Variants in C22orf31 observed in about 807,000 individuals in gnomAD.
C22orf31 encodes chromosome 22 open reading frame 31.
Under a neutral mutation model 15.0 loss-of-function variants are expected in C22orf31, and 11 were observed. That is an observed-to-expected ratio of 0.73 (90% CI 0.46 to 1.21). The LOEUF (loss-of-function observed/expected upper bound fraction) is 1.21. Among genes scored for constraint, C22orf31 ranks in the 50% most tolerant of loss-of-function variants. The pLI, the probability that C22orf31 is intolerant of heterozygous loss-of-function variation, is 0.00. For missense variants in C22orf31, 340 were observed against 347.2 expected, an observed-to-expected ratio of 0.98 and a Z score of 0.17; for synonymous variants, 132 against 133.3, an observed-to-expected ratio of 0.99 and a Z score of 0.07.
Position 29,060,599 on chromosome 22 carries a change from C to T in C22orf31, c.248G>A (p.Arg83Gln), listed in dbSNP as rs144151788. The T allele has an allele frequency of 7.6e-5, 123 of 1,614,092 alleles. No individual in the cohort carries two copies. Among genetic ancestry groups the T allele is most frequent in the East Asian group, 2.7e-4 (12 of 44,890 alleles). The change falls in exon 2 of 3, where the codon CGG becomes CAG. Residue 83 changes from arginine to glutamine, a missense_variant. Transcript: ENST00000216071. Reference protein sequence around the residue: ...SFSLVKLVLRRQLKNKCCPPP... With the variant: ...SFSLVKLVLRQQLKNKCCPPP... Reference sequence around the variant, plus strand: ...TGGGCAGCACTTATTCTTCAGTTGCCGCCTGAGTACAAGCTTAACCAGGGA... The same window carrying T: ...TGGGCAGCACTTATTCTTCAGTTGCTGCCTGAGTACAAGCTTAACCAGGGA...
the C22orf31 span, chr22:29,073,253 C>A: frequency 1.9e-6 from 2 of 1,059,872 alleles, no homozygotes; most frequent in South Asian, 9.1e-5. The surrounding 1 kb of genome is among the most constrained non-coding windows in gnomAD (Gnocchi z 4.4). Flanking sequence ...CCCCCGCCGC[C>A]CGCCCTGAGC....
Position 29,059,008 on chromosome 22 carries a change from G to T in C22orf31, c.607C>A (p.Leu203Ile). The T allele has an allele frequency of 9.3e-6, 15 of 1,614,226 alleles. No homozygotes were observed. The highest frequency in any genetic ancestry group is 1.2e-5 in the Non-Finnish European group (14 of 1,180,046). ...QKRQQLSEDTLTIHGLPTEGY... is the reference protein window; with the variant it reads ...QKRQQLSEDTITIHGLPTEGY... ...TCTGTGGGGAGACCATGGATGGTTAGCGTGTCCTCCGACAACTGCTGTCTC... is the reference window on the plus strand; with the variant it reads ...TCTGTGGGGAGACCATGGATGGTTATCGTGTCCTCCGACAACTGCTGTCTC... Residue 203 changes from leucine to isoleucine, a missense_variant, in exon 3 of 3, where the codon CTA becomes ATA. By Grantham distance (5) the Leu-to-Ile change is conservative. Coordinates refer to ENST00000216071, the MANE Select transcript of C22orf31 (RefSeq NM_015370.2).
rs137894229 is a variant in C22orf31 at position 29,059,010 on chromosome 22, G to A, written c.605C>T (p.Thr202Met). The change falls in exon 3 of 3, where the codon ACG becomes ATG. Residue 202 changes from threonine to methionine, a missense_variant. Coordinates refer to ENST00000216071, the MANE Select transcript of C22orf31 (RefSeq NM_015370.2). ...TQKRQQLSED[T>M]LTIHGLPTEG... ...TGTGGGGAGACCATGGATGGTTAGCGTGTCCTCCGACAACTGCTGTCTCTT... is the reference window on the plus strand; with the variant it reads ...TGTGGGGAGACCATGGATGGTTAGCATGTCCTCCGACAACTGCTGTCTCTT... The A allele has an allele frequency of 9.6e-5, 155 of 1,614,168 alleles. No homozygotes were observed. The East Asian group carries it at 1.4e-3, about 15-fold the overall frequency.
At chr22:29,066,797 G>C (rs576780266), upstream of C22orf31, among the ~76,000 whole-genome samples, 21 of 151,986 alleles carry the variant, frequency 1.4e-4, no homozygotes, top group South Asian at 4.4e-3. Flanking sequence ...CTGACCTCAG[G>C]TGATCCACCT....
the C22orf31 span, chr22:29,073,186 C>A: frequency 4.2e-6 from 5 of 1,186,456 alleles, no homozygotes; most frequent in Non-Finnish European, 5.2e-6. The surrounding 1 kb of genome is among the most constrained non-coding windows in gnomAD (Gnocchi z 4.4). Flanking sequence ...CTCACGCTGG[C>A]GGCCCGGCCC....
upstream of C22orf31, chr22:29,061,941 G>T (rs2037396402): frequency 1.6e-6 from 1 of 610,610 alleles, no homozygotes; most frequent in Non-Finnish European, 2.9e-6. Flanking sequence ...TCACATATGG[G>T]CAAATTGCTG....
At chr22:29,060,022 T>C in intron 2 of C22orf31, 1 of 60,228 alleles carries the variant, frequency 1.7e-5, no homozygotes. Flanking sequence ...TTTTCTTTTC[T>C]TTTTTTTTTT....
chr22:29,064,562 G>A (rs2037416025), upstream of C22orf31, among the ~76,000 whole-genome samples: 1 of 152,064 alleles, frequency 6.6e-6, no homozygotes, highest in African/African-American at 2.4e-5. Context: ...CACCCAGGCT[G>A]GAGTGCAGTG....
Position 29,058,857 on chromosome 22 carries a change from C to A in C22orf31, c.758G>T (p.Ser253Ile), listed in dbSNP as rs2037347416. Residue 253 changes from serine (S) to isoleucine (I), a missense_variant, in exon 3 of 3, where the codon AGT becomes ATT. Transcript: ENST00000216071. The part of the protein sequence containing the change: ...IKQKLWEALC[S>I]QGAISEGAQR... The stretch of plus-strand genomic sequence containing the variant: ...AGCACCTTCAGAGATGGCACCCTGA[C>A]TGCAAAGAGCCTCCCAGAGCTTTTG... The A allele has an allele frequency of 6.2e-7, 1 of 1,614,098 alleles. No individual in the cohort carries two copies. The highest frequency in any genetic ancestry group is 8.5e-7 in the Non-Finnish European group (1 of 1,180,044).
the C22orf31 span, chr22:29,073,359 G>A: frequency 1.3e-4 from 32 of 244,570 alleles, no homozygotes; most frequent in Admixed American, 1.9e-3. The surrounding 1 kb of genome is among the most constrained non-coding windows in gnomAD (Gnocchi z 4.4). Context: ...GCCCCTAGGC[G>A]ACGCCCCTCA....
upstream of C22orf31, among the ~76,000 whole-genome samples, chr22:29,064,676 T>TC (rs2037417381): frequency 4.2e-4 from 2 of 4,798 alleles, no homozygotes; most frequent in Non-Finnish European, 7.7e-4. Flanking sequence ...TGCCCAGTGA[T>TC]TTTTTTTTTT....
chr22:29,061,353 G>A (rs750054851), intron 1 of C22orf31, among the ~76,000 whole-genome samples: 6 of 152,040 alleles, frequency 3.9e-5, no homozygotes, highest in Non-Finnish European at 5.9e-5. Context: ...TGCAACCTCC[G>A]CCTCCCGGGC....
At chr22:29,073,182 C>G in the C22orf31 span, 1 of 1,184,318 alleles carries the variant, frequency 8.4e-7, no homozygotes, top group Non-Finnish European at 1.0e-6. This position sits in a 1 kb window ranked among gnomAD's most constrained non-coding sequence, Gnocchi z 4.4. Flanking sequence ...GGCGCTCACG[C>G]TGGCGGCCCG....
rs987326625 is a variant in C22orf31, at chr22:29,059,040, G to C, written c.575C>G (p.Thr192Ser). ...CTCCGACAACTGCTGTCTCTTTTGG[G>C]TTTCAGGAAGCAACACTCGGCCCTT... is the stretch of plus-strand genomic sequence containing the variant. Reference protein sequence around the residue: ...AWKGRVLLPETQKRQQLSEDT... With the variant: ...AWKGRVLLPESQKRQQLSEDT... The change falls in exon 3 of 3, where the codon ACC (threonine) becomes AGC (serine). Residue 192 changes from threonine to serine, a missense_variant. Coordinates refer to ENST00000216071, the MANE Select transcript of C22orf31 (RefSeq NM_015370.2). 1 of 1,614,172 alleles carries C rather than the reference G, an allele frequency of 6.2e-7. No homozygotes were observed. Among genetic ancestry groups the C allele is most frequent in the Admixed American group, 1.7e-5 (1 of 60,014 alleles).
chr22:29,072,865 A>G, the C22orf31 span, among the ~76,000 whole-genome samples: 11 of 152,004 alleles, frequency 7.2e-5, no homozygotes, highest in African/African-American at 1.7e-4. Context: ...GCGGGGCCTG[A>G]TGCGTGAGTG....
upstream of C22orf31, among the ~76,000 whole-genome samples, chr22:29,063,019 A>C (rs1417099183): frequency 6.6e-6 from 1 of 152,066 alleles, no homozygotes; most frequent in African/African-American, 2.4e-5. Context: ...TCTGCAAAGC[A>C]GGGACAGGAG....
At chr22:29,073,748 G>A in the C22orf31 span, among the ~76,000 whole-genome samples, 11 of 151,116 alleles carry the variant, frequency 7.3e-5, no homozygotes, top group Non-Finnish European at 1.6e-4. The surrounding 1 kb of genome is among the most constrained non-coding windows in gnomAD (Gnocchi z 4.4). Context: ...CCACGGGCCA[G>A]GAGGCCCCCT....
Position 29,060,527 on chromosome 22 carries a change from T to C in C22orf31, c.320A>G (p.His107Arg). The C allele has an allele frequency of 6.2e-7, 1 of 1,614,148 alleles. No homozygotes were observed. The highest frequency in any genetic ancestry group is 8.5e-7 in the Non-Finnish European group (1 of 1,180,022). ...GEGKLSKRLK[H>R]KDDSVMKATQ... The stretch of plus-strand genomic sequence containing the variant: ...GGCTTTCATCACTGAATCGTCCTTG[T>C]GCTTTAATCTCTTCGAGAGTTTTCC... Residue 107 changes from histidine (H) to arginine (R), a missense_variant, in exon 2 of 3, where the codon CAC (histidine) becomes CGC (arginine). Physicochemically the swap from His to Arg is conservative, Grantham distance 29. Coordinates refer to ENST00000216071, the MANE Select transcript of C22orf31 (RefSeq NM_015370.2).
At chr22:29,068,084 CT>C in the C22orf31 span, among the ~76,000 whole-genome samples, 684 of 130,198 alleles carry the variant, frequency 5.3e-3, 5 homozygotes, top group East Asian at 0.038. Context: ...CAAACCCCGT[CT>C]TTTTTTTTTT....
Sources: gnomAD v4.1 joint callset for allele counts (sites outside exome capture counted in the v4.1 genomes callset) on GRCh38, gnomAD v4.1.1 for gene constraint, Gnocchi (gnomAD v3.1) non-coding constraint, MANE v1.5 for transcripts, NCBI Gene and HGNC (gene_info 2026-07-23, HGNC 2026-07-21) for gene names.